The following DOCK5 variants were observed in gnomAD, a reference collection of about 807,000 sequenced individuals.
The protein encoded by DOCK5 is dedicator of cytokinesis 5.
Under a neutral mutation model 251.8 loss-of-function variants are expected in DOCK5, and 142 were observed. The observed-to-expected ratio is 0.56, with a 90% CI of 0.49 to 0.65. The LOEUF is 0.65. Ranked by LOEUF, DOCK5 falls within the 30% of genes least tolerant of loss-of-function variation. The pLI, the probability that DOCK5 is intolerant of heterozygous loss-of-function variation, is 0.00. For missense variants in DOCK5, 2,111 were observed against 2,312.3 expected (o/e 0.91, Z 1.79); for synonymous variants, 842 against 835.5 (o/e 1.01, Z -0.13).
chr8:25,367,646 TA>T (rs750165650), intron 31 of DOCK5, among the ~76,000 whole-genome samples: 5 of 152,194 alleles, frequency 3.3e-5, no homozygotes, highest in Non-Finnish European at 5.9e-5. Flanking sequence ...ACTGCCTACA[TA>T]TACAAAAACA....
rs541455591 is a variant in DOCK5, at chr8:25,197,575, C to CTTTTTTTTTTTT, written c.43+12640_43+12651dup. ...CTCTCTTTAAGGATCGTGTCTTTGTCTTTTTTTTTTTTTTTTTTTTTTTTT... is the reference window on the plus strand; with the variant it reads ...CTCTCTTTAAGGATCGTGTCTTTGTCTTTTTTTTTTTTTTTTTTTTTTTTTTTTTTTTTTTTT... On this transcript the variant is annotated intron_variant, in intron 1 of 51. Transcript: ENST00000276440. Among the ~76,000 whole-genome samples the CTTTTTTTTTTTT allele has an allele frequency of 8.3e-5, 9 of 108,274 alleles. 1 individual carries two copies. The highest frequency in any genetic ancestry group is 3.3e-4 in the African/African-American group (8 of 24,298). 71.0% of individuals were successfully genotyped at this position (108,274 alleles called of 152,430 possible). A position where few individuals can be genotyped will look rare whatever the true frequency, so the allele number is the denominator to read the frequency against.
At chr8:25,373,024 G>A (rs566610570) in intron 35 of DOCK5, among the ~76,000 whole-genome samples, 6 of 148,400 alleles carry the variant, frequency 4.0e-5, no homozygotes, top group South Asian at 2.1e-4. Flanking sequence ...TTTTTGAGAC[G>A]GAGTCTCGTT....
At chr8:25,333,905 A>T (rs918334850) in intron 20 of DOCK5, among the ~76,000 whole-genome samples, 191 bp from the exon 21 acceptor site, 2 of 152,144 alleles carry the variant, frequency 1.3e-5, no homozygotes, top group African/African-American at 2.4e-5. Context: ...TGCCTGACAC[A>T]TAATAGTCTC....
chr8:25,230,480 A>G (rs1563316844), intron 1 of DOCK5, among the ~76,000 whole-genome samples: 1 of 152,146 alleles, frequency 6.6e-6, no homozygotes, highest in South Asian at 2.1e-4. Flanking sequence ...TGTCATTATG[A>G]TCCTCTCCTG....
intron 1 of DOCK5, among the ~76,000 whole-genome samples, chr8:25,236,246 A>G (rs1315589438): frequency 2.6e-5 from 4 of 152,172 alleles, no homozygotes; most frequent in African/African-American, 9.7e-5. Flanking sequence ...TCCTAACCTG[A>G]TAGCCTCCGT....
chr8:25,401,251 G>T (rs1801433933), intron 47 of DOCK5, among the ~76,000 whole-genome samples, 185 bp downstream of exon 47: 1 of 152,126 alleles, frequency 6.6e-6, no homozygotes, highest in Admixed American at 6.6e-5. Flanking sequence ...CTGGTCAGAG[G>T]TTCTCCAACT....
intron 2 of DOCK5, among the ~76,000 whole-genome samples, chr8:25,256,656 A>G (rs1007359568): frequency 6.6e-6 from 1 of 151,818 alleles, no homozygotes; most frequent in Non-Finnish European, 1.5e-5. Context: ...AAAAAAAAAA[A>G]AAAGAATCTG....
chr8:25,251,103 A>G (rs148017195), intron 2 of DOCK5, among the ~76,000 whole-genome samples: 3 of 152,170 alleles, frequency 2.0e-5, no homozygotes, highest in Non-Finnish European at 4.4e-5. Flanking sequence ...AGGTTCCTCT[A>G]GTGCTGGTTT....
intron 40 of DOCK5, among the ~76,000 whole-genome samples, chr8:25,384,230 G>A (rs758564166): frequency 2.0e-5 from 3 of 152,242 alleles, no homozygotes; most frequent in African/African-American, 7.2e-5. Flanking sequence ...CCTAGGCAAC[G>A]CTTCCTATCA....
intron 22 of DOCK5, among the ~76,000 whole-genome samples, chr8:25,338,778 C>T (rs1005643460): frequency 1.3e-5 from 2 of 152,146 alleles, no homozygotes; most frequent in African/African-American, 2.4e-5. Context: ...CCCTGATGTC[C>T]AAAAATCAGT....
At chr8:25,203,520 A>G (rs778973823) in intron 1 of DOCK5, among the ~76,000 whole-genome samples, 15 of 152,216 alleles carry the variant, frequency 9.9e-5, no homozygotes, top group Non-Finnish European at 1.9e-4. Context: ...TCTTTCCTGA[A>G]TGAGAAATGG....
intron 1 of DOCK5, among the ~76,000 whole-genome samples, chr8:25,206,925 TAGAG>T (rs1055494462): frequency 2.0e-4 from 31 of 152,206 alleles, no homozygotes; most frequent in Middle Eastern, 6.8e-3. Flanking sequence ...AGCTGATTGA[TAGAG>T]AGAGGGGAGC....
chr8:25,360,610 G>A (rs1214334050), intron 28 of DOCK5, among the ~76,000 whole-genome samples: 1 of 152,184 alleles, frequency 6.6e-6, no homozygotes. Context: ...CTCCTCATCT[G>A]TAAGATAGTA....
chr8:25,276,455 GA>G (rs764690978), intron 4 of DOCK5, among the ~76,000 whole-genome samples: 20 of 152,122 alleles, frequency 1.3e-4, no homozygotes, highest in Non-Finnish European at 2.4e-4. Flanking sequence ...GGGAGAGAGA[GA>G]GGTGACTTAG....
chr8:25,344,625 A>G (rs1036492303), intron 25 of DOCK5, among the ~76,000 whole-genome samples: 2 of 152,252 alleles, frequency 1.3e-5, no homozygotes, highest in African/African-American at 4.8e-5. Flanking sequence ...TTCTGACCCT[A>G]TGAATTTGCA....
At chr8:25,407,256 C>T (rs1420631904) in intron 48 of DOCK5, among the ~76,000 whole-genome samples, 2 of 151,974 alleles carry the variant, frequency 1.3e-5, no homozygotes, top group African/African-American at 2.4e-5. Context: ...ATCTAGATTA[C>T]ATTCTAGTAG....
chr8:25,384,451 A>ATTTTTTTTTTTTTTTTTTTTTTTTTTTT (rs1311005105), intron 40 of DOCK5, among the ~76,000 whole-genome samples: 2 of 26,548 alleles, frequency 7.5e-5, no homozygotes, highest in Non-Finnish European at 2.1e-4. Context: ...TTATTTATTT[A>ATTTTTTTTTTTTTTTTTTTTTTTTTTTT]TTTATTTATT....
intron 30 of DOCK5, 42 bp downstream of exon 30, chr8:25,364,746 C>T: frequency 7.1e-7 from 1 of 1,410,106 alleles, no homozygotes; most frequent in Non-Finnish European, 9.8e-7. Context: ...AATTCTTGGC[C>T]ATGGCAAGAG....
At chr8:25,324,695 C>T (rs1805515959) in intron 17 of DOCK5, among the ~76,000 whole-genome samples, 1 of 152,136 alleles carries the variant, frequency 6.6e-6, no homozygotes, top group Non-Finnish European at 1.5e-5. Context: ...GCACAACGTG[C>T]AGGTTTGTTA....
Sources: allele counts gnomAD v4.1 joint callset (sites outside exome capture counted in the v4.1 genomes callset), GRCh38; gene constraint gnomAD v4.1.1; transcripts MANE v1.5; gene names NCBI Gene and HGNC (gene_info 2026-07-23, HGNC 2026-07-21).